The following PDHX variants were observed in gnomAD, a reference collection of about 807,000 sequenced individuals.
The protein encoded by PDHX is pyruvate dehydrogenase protein X component, mitochondrial.
In PDHX, 33 loss-of-function variants were observed where a neutral mutation model predicts 55.3. The observed-to-expected ratio is 0.60, with a 90% confidence interval of 0.45 to 0.80. The LOEUF (loss-of-function observed/expected upper bound fraction) is 0.80. Ranked by LOEUF, PDHX falls within the 30% of genes least tolerant of loss-of-function variation. The pLI is 0.00. For synonymous variants in PDHX, 226 were observed against 219.4 expected, an observed-to-expected ratio of 1.03 and a Z score of -0.27; for missense variants, 622 against 619.9, an observed-to-expected ratio of 1.00 and a Z score of -0.04.
chr11:34,981,516 A>G (rs748181138), intron 8 of PDHX, among the ~76,000 whole-genome samples: 6 of 152,232 alleles, frequency 3.9e-5, no homozygotes, highest in Non-Finnish European at 8.8e-5. Context: ...GTATATACCC[A>G]GTAAAGGGAT....
rs78981062 is a variant in PDHX at position 34,956,346 on chromosome 11, G to A, written c.343-1038G>A. ...AACATACCAGTAAGCATTGAAATTA[G>A]TGTTACTCTGATATGTCAAACTCAT... On this transcript the variant is annotated intron_variant, in intron 3 of 10. Coordinates refer to ENST00000227868, the MANE Select transcript of PDHX (RefSeq NM_003477.3). 8.0e-3 allele frequency among the ~76,000 whole-genome samples: 1,211 copies of A among 152,212 alleles called. 20 individuals are homozygous for A. The highest frequency in any genetic ancestry group is 0.028 in the African/African-American group (1,164 of 41,542).
Position 34,995,507 on chromosome 11 carries a change from A to C in PDHX, c.*335A>C, listed in dbSNP as rs1221263133. 1.2e-5 allele frequency: 4 copies of C among 335,992 alleles called. No individual in the cohort carries two copies. Among genetic ancestry groups the C allele is most frequent in the Non-Finnish European group, 2.3e-5 (4 of 174,658 alleles). 20.8% of individuals were successfully genotyped at this position (335,992 alleles called of 1,614,324 possible). ...TTTGAGCATTTTGGAATATTTGAGA[A>C]TGTATGATACATGTAAAATTAAAAA... On this transcript the variant is annotated 3_prime_UTR_variant, in exon 11 of 11. Transcript: ENST00000227868.
At chr11:34,985,318 G>A (rs1855617159) in intron 9 of PDHX, among the ~76,000 whole-genome samples, 1 of 152,134 alleles carries the variant, frequency 6.6e-6, no homozygotes, top group South Asian at 2.1e-4. Flanking sequence ...GCGCGTGCCT[G>A]TAATTCCAGC....
At chr11:34,943,088 A>G (rs1854527764) in intron 2 of PDHX, among the ~76,000 whole-genome samples, 6 of 152,180 alleles carry the variant, frequency 3.9e-5, no homozygotes, top group Admixed American at 3.9e-4. Context: ...TCTAAAATTC[A>G]TTGGGTATGG....
intron 7 of PDHX, among the ~76,000 whole-genome samples, chr11:34,977,179 T>C (rs1027855478): frequency 2.0e-5 from 3 of 152,140 alleles, no homozygotes; most frequent in African/African-American, 7.2e-5. Flanking sequence ...TGGAATGAGC[T>C]GTTATTCACC....
At chr11:34,932,938 C>T (rs1854213784) in intron 2 of PDHX, among the ~76,000 whole-genome samples, 1 of 151,824 alleles carries the variant, frequency 6.6e-6, no homozygotes, top group Non-Finnish European at 1.5e-5. Context: ...ATGGGGTGAT[C>T]TTCATTGAAA....
chr11:34,969,109 G>A (rs963519910), intron 6 of PDHX, among the ~76,000 whole-genome samples: 22 of 152,108 alleles, frequency 1.4e-4, no homozygotes, highest in African/African-American at 4.6e-4. Context: ...GTGTAGCCAG[G>A]TGATTTTGCC....
At chr11:34,938,066 A>G (rs1178200203) in intron 2 of PDHX, among the ~76,000 whole-genome samples, 1 of 152,250 alleles carries the variant, frequency 6.6e-6, no homozygotes, top group Admixed American at 6.5e-5. Context: ...TGAAAAATAT[A>G]GTCTCTCAAA....
intron 2 of PDHX, among the ~76,000 whole-genome samples, chr11:34,945,187 A>G (rs1217578446): frequency 1.3e-5 from 2 of 152,208 alleles, no homozygotes; most frequent in Non-Finnish European, 2.9e-5. Flanking sequence ...CCAGCTGAAT[A>G]TATCAAAGTT....
At chr11:34,931,176 A>G (rs1176372830) in intron 1 of PDHX, among the ~76,000 whole-genome samples, 3 of 152,242 alleles carry the variant, frequency 2.0e-5, no homozygotes, top group African/African-American at 7.2e-5. Flanking sequence ...GGGAATTATG[A>G]AAACAGAGTT....
intron 1 of PDHX, among the ~76,000 whole-genome samples, chr11:34,918,944 C>G (rs777408830): frequency 9.2e-5 from 14 of 152,206 alleles, no homozygotes; most frequent in Non-Finnish European, 1.9e-4. Context: ...TACAAGGACC[C>G]TTGTGATTAC....
intron 10 of PDHX, among the ~76,000 whole-genome samples, chr11:34,993,454 A>T (rs1012761366): frequency 1.3e-5 from 2 of 152,076 alleles, no homozygotes; most frequent in African/African-American, 4.8e-5. Context: ...TCACAATTCA[A>T]CTGAAATTGG....
chr11:34,916,494 C>A (rs759318998), upstream of PDHX: 109 of 1,439,904 alleles, frequency 7.6e-5, no homozygotes, highest in Non-Finnish European at 1.9e-5. Flanking sequence ...GAGGCAAGGC[C>A]AACGTGGTTG....
chr11:34,980,449 ATAAT>A (rs1413283431), intron 8 of PDHX, among the ~76,000 whole-genome samples: 1 of 143,662 alleles, frequency 7.0e-6, no homozygotes, highest in Non-Finnish European at 1.5e-5. Context: ...TTGCCCTAAG[ATAAT>A]AGATTTTTAA....
chr11:34,951,108 G>C (rs1287771965), intron 3 of PDHX, among the ~76,000 whole-genome samples: 1 of 144,606 alleles, frequency 6.9e-6, no homozygotes, highest in Non-Finnish European at 1.5e-5. Flanking sequence ...CCAGGTGGGA[G>C]TGCAGTGGCG....
intron 9 of PDHX, among the ~76,000 whole-genome samples, chr11:34,986,753 G>T (rs916668589): frequency 2.6e-5 from 4 of 152,144 alleles, no homozygotes; most frequent in Non-Finnish European, 5.9e-5. Flanking sequence ...CACAGCAATG[G>T]GAAGGGCAGT....
At chr11:34,953,062 G>A (rs1355685836) in intron 3 of PDHX, among the ~76,000 whole-genome samples, 2 of 151,974 alleles carry the variant, frequency 1.3e-5, no homozygotes, top group African/African-American at 2.4e-5. Context: ...CAAACAGAGA[G>A]CCAAATCATG....
chr11:34,975,853 T>G (rs1434083550), intron 7 of PDHX, among the ~76,000 whole-genome samples: 1 of 152,214 alleles, frequency 6.6e-6, no homozygotes, highest in Non-Finnish European at 1.5e-5. Flanking sequence ...TGCAACTTTC[T>G]ACATCCCAGG....
rs184072474 is a variant in PDHX, at chr11:34,941,707, A to T, written c.242-5799A>T. The T allele has an allele frequency of 4.0e-4, 62 of 154,076 alleles. 2 individuals are homozygous for T. The highest frequency in any genetic ancestry group is 3.7e-3 in the Admixed American group (56 of 15,320). The allele number at this position is 154,076 out of a possible 1,614,324, so 9.5% of individuals were successfully genotyped here. A position where few individuals can be genotyped will look rare whatever the true frequency, so the allele number is the denominator to read the frequency against. On this transcript the variant is annotated intron_variant, in intron 2 of 10. Coordinates refer to ENST00000227868, the MANE Select transcript of PDHX (RefSeq NM_003477.3). ...GACTTATTCTATTAATAAAATAAAC[A>T]TCACCATTAACTGTGTTTGACCAAG...
Sources: allele counts gnomAD v4.1 joint callset (sites outside exome capture counted in the v4.1 genomes callset), GRCh38; gene constraint gnomAD v4.1.1; transcripts MANE v1.5; gene names NCBI Gene and HGNC (gene_info 2026-07-23, HGNC 2026-07-21).